Variants in EFNA5 observed in about 807,000 individuals in gnomAD.
EFNA5 encodes ephrin-A5.
EFNA5 carries 5 observed loss-of-function variants against 22.9 expected under a neutral mutation model. The ratio of observed to expected loss-of-function variants is 0.22; its 90% CI spans 0.11 to 0.46. EFNA5 has a LOEUF of 0.46. Among genes scored for constraint, EFNA5 ranks in the 20% least tolerant of loss-of-function variants. EFNA5 has a pLI of 0.99. For missense variants in EFNA5, 237 were observed against 293.3 expected (o/e 0.81, Z 1.40); for synonymous variants, 113 against 112.2 (o/e 1.01, Z -0.04).
intron 1 of EFNA5, among the ~76,000 whole-genome samples, chr5:107,621,886 A>G (rs1413827978): frequency 1.3e-5 from 2 of 152,174 alleles, no homozygotes; most frequent in Non-Finnish European, 2.9e-5. Flanking sequence ...CTGTTTTTTA[A>G]GGTGAAAAGA....
intron 1 of EFNA5, among the ~76,000 whole-genome samples, chr5:107,641,650 T>C (rs1270306469): frequency 6.6e-6 from 1 of 152,178 alleles, no homozygotes; most frequent in Non-Finnish European, 1.5e-5. Flanking sequence ...ATGCAATACA[T>C]TCTATTTAAG....
In EFNA5 at chr5:107,514,526, C is replaced by A. The variant is rs529445110; in HGVS notation, c.126-87017G>T. On this transcript the variant is annotated intron_variant, in intron 1 of 4. Transcript: ENST00000333274. Reference sequence around the variant, plus strand: ...GTTTTAAATTCAAACTTCTCCACAACCTGACGAGTGTGTGGGAGACCCAAG... The same window carrying A: ...GTTTTAAATTCAAACTTCTCCACAAACTGACGAGTGTGTGGGAGACCCAAG... Among the ~76,000 whole-genome samples, 92 of 152,276 alleles carry A rather than the reference C, an allele frequency of 6.0e-4. 1 individual carries two copies. In the South Asian group the frequency reaches 7.0e-3, roughly 12 times the overall value.
chr5:107,581,809 C>T (rs1561439816), intron 1 of EFNA5, among the ~76,000 whole-genome samples: 1 of 152,198 alleles, frequency 6.6e-6, no homozygotes, highest in Non-Finnish European at 1.5e-5. Flanking sequence ...AACTGGCTGT[C>T]CTGAAGCCTC....
chr5:107,528,007 C>T (rs1006246955), intron 1 of EFNA5, among the ~76,000 whole-genome samples: 3 of 152,190 alleles, frequency 2.0e-5, no homozygotes, highest in Non-Finnish European at 4.4e-5. Context: ...CTTTCAGGAA[C>T]CACAGCTTGG....
chr5:107,510,874 T>G (rs1424658757), intron 1 of EFNA5, among the ~76,000 whole-genome samples: 1 of 152,218 alleles, frequency 6.6e-6, no homozygotes, highest in African/African-American at 2.4e-5. Flanking sequence ...CAAAAATCTT[T>G]TCTTACTTTA....
intron 1 of EFNA5, among the ~76,000 whole-genome samples, chr5:107,525,219 T>C (rs1472975252): frequency 1.3e-5 from 2 of 152,170 alleles, no homozygotes; most frequent in African/African-American, 4.8e-5. Context: ...GATTAGTGGG[T>C]TAATGACTGA....
At chr5:107,507,405 C>A (rs956422901) in intron 1 of EFNA5, among the ~76,000 whole-genome samples, 1 of 152,028 alleles carries the variant, frequency 6.6e-6, no homozygotes, top group Non-Finnish European at 1.5e-5. Context: ...AATTATAAGT[C>A]TTTAATAACA....
chr5:107,499,187 T>C (rs2112423623), intron 1 of EFNA5, among the ~76,000 whole-genome samples: 1 of 152,336 alleles, frequency 6.6e-6, no homozygotes, highest in Non-Finnish European at 1.5e-5. Flanking sequence ...GATGAAATTT[T>C]TTTTTAAATC....
intron 1 of EFNA5, among the ~76,000 whole-genome samples, chr5:107,585,660 A>T (rs747395286): frequency 1.3e-5 from 2 of 152,230 alleles, no homozygotes; most frequent in Non-Finnish European, 2.9e-5. Context: ...TAACTACAAG[A>T]AAAGGGGATG....
chr5:107,657,790 G>A (rs1750860283), intron 1 of EFNA5, among the ~76,000 whole-genome samples: 1 of 151,986 alleles, frequency 6.6e-6, no homozygotes, highest in Non-Finnish European at 1.5e-5. Flanking sequence ...CTTAACTGAT[G>A]CTTTCAAAGA....
At chr5:107,592,493 TG>T (rs1749394977) in intron 1 of EFNA5, among the ~76,000 whole-genome samples, 1 of 152,046 alleles carries the variant, frequency 6.6e-6, no homozygotes, top group Non-Finnish European at 1.5e-5. Context: ...GTTTTTAATC[TG>T]AAAAAAAGAC....
At chr5:107,451,351 AAAAT>A (rs1381317383) in intron 1 of EFNA5, among the ~76,000 whole-genome samples, 1 of 152,254 alleles carries the variant, frequency 6.6e-6, no homozygotes, top group African/African-American at 2.4e-5. Context: ...GTGTAAAGCA[AAAAT>A]AAATAAATAA....
Position 107,448,862 on chromosome 5 carries a change from T to TA in EFNA5, c.126-21354dup, listed in dbSNP as rs200725602. Among the ~76,000 whole-genome samples the TA allele has an allele frequency of 2.1e-3, 238 of 111,682 alleles. 1 individual carries two copies. Among genetic ancestry groups the TA allele is most frequent in the African/African-American group, 7.7e-3 (182 of 23,572 alleles). 73.3% of individuals were successfully genotyped at this position (111,682 alleles called of 152,430 possible). ...ATAAATAAATAAATAAATAAATAAA[T>TA]AAATAAATAAAATAAAATAAAAACA... On this transcript the variant is annotated intron_variant, in intron 1 of 4. Transcript: ENST00000333274.
chr5:107,561,858 A>C (rs2112478015), intron 1 of EFNA5, among the ~76,000 whole-genome samples: 1 of 152,202 alleles, frequency 6.6e-6, no homozygotes, highest in African/African-American at 2.4e-5. Context: ...CTTTTTTTTA[A>C]TGTATTTTTT....
chr5:107,527,679 T>C (rs1015900062), intron 1 of EFNA5, among the ~76,000 whole-genome samples: 3 of 152,186 alleles, frequency 2.0e-5, no homozygotes, highest in African/African-American at 7.2e-5. Context: ...CATTCTATTG[T>C]TAAAATTAAT....
At chr5:107,581,886 T>C (rs1187704886) in intron 1 of EFNA5, among the ~76,000 whole-genome samples, 3 of 152,186 alleles carry the variant, frequency 2.0e-5, no homozygotes, top group African/African-American at 4.8e-5. Flanking sequence ...TCAGAAGATT[T>C]TAGCTACACG....
chr5:107,397,966 G>C (rs543675349), intron 2 of EFNA5, among the ~76,000 whole-genome samples: 2 of 152,246 alleles, frequency 1.3e-5, no homozygotes, highest in South Asian at 2.1e-4. Context: ...ATTCCCATTC[G>C]TCATACCACA....
At chr5:107,648,209 C>T (rs1750663990) in intron 1 of EFNA5, among the ~76,000 whole-genome samples, 1 of 152,072 alleles carries the variant, frequency 6.6e-6, no homozygotes, top group Non-Finnish European at 1.5e-5. Context: ...AAGTTCATTT[C>T]ATATTATAAA....
intron 1 of EFNA5, among the ~76,000 whole-genome samples, chr5:107,555,120 T>C (rs777793904): frequency 3.9e-5 from 6 of 152,210 alleles, no homozygotes; most frequent in Non-Finnish European, 8.8e-5. Context: ...CAGAGACAGA[T>C]GTAGAGAGTT....
Sources: allele counts gnomAD v4.1 joint callset (sites outside exome capture counted in the v4.1 genomes callset), GRCh38; gene constraint gnomAD v4.1.1; transcripts MANE v1.5; gene names NCBI Gene and HGNC (gene_info 2026-07-23, HGNC 2026-07-21).